Variants in GDPD4 observed in about 807,000 individuals in gnomAD.
The protein encoded by GDPD4 is glycerophosphodiester phosphodiesterase domain containing 4, also known as glycerophosphodiester phosphodiesterase 6.
A neutral mutation model predicts 67.8 loss-of-function variants in GDPD4; 60 were observed. That is an observed-to-expected ratio of 0.88 (90% CI 0.72 to 1.10). The LOEUF is 1.10. GDPD4 is among the 50% of genes least tolerant of loss of function. The probability of loss-of-function intolerance (pLI) is 0.00; values close to 1 mark genes in which losing one functional copy is unlikely to be tolerated. For missense variants in GDPD4, 623 were observed against 613.9 expected, an observed-to-expected ratio of 1.01 and a Z score of -0.16; for synonymous variants, 212 against 210.9, an observed-to-expected ratio of 1.00 and a Z score of -0.04.
chr11:77,281,596 T>A (rs1047742395), intron 3 of GDPD4, among the ~76,000 whole-genome samples: 4 of 152,322 alleles, frequency 2.6e-5, no homozygotes, highest in Middle Eastern at 3.4e-3. Context: ...CCAGTGATAG[T>A]GTAGCATTTG....
At chr11:77,285,217 G>T in intron 2 of GDPD4, 30 bp from the exon 3 acceptor site, 2 of 1,143,976 alleles carry the variant, frequency 1.7e-6, no homozygotes, top group Non-Finnish European at 1.3e-6. Context: ...ATCTAACTTA[G>T]CTCCATTTAT....
intron 1 of GDPD4, among the ~76,000 whole-genome samples, chr11:77,296,630 G>A (rs1226754250): frequency 6.6e-6 from 1 of 151,824 alleles, no homozygotes; most frequent in African/African-American, 2.4e-5. Context: ...CAGATGTATA[G>A]ATCTTGATTG....
chr11:77,262,197 A>T (rs1001630498), intron 10 of GDPD4, among the ~76,000 whole-genome samples: 3 of 152,246 alleles, frequency 2.0e-5, no homozygotes, highest in African/African-American at 7.2e-5. Context: ...CACTTTTGTC[A>T]TGCAGAATCA....
rs142675601 is a variant in GDPD4, at chr11:77,251,503, A to G, written c.865-6001T>C. 3.8e-3 allele frequency among the ~76,000 whole-genome samples: 580 copies of G among 152,250 alleles called. 2 individuals are homozygous for G. Among genetic ancestry groups the G allele is most frequent in the African/African-American group, 0.01 (419 of 41,542 alleles). On this transcript the variant is annotated intron_variant, in intron 11 of 16. Transcript: ENST00000315938. Reference sequence around the variant, plus strand: ...CTGAGTCAAATATTCTTGGCTGGCAATATTTCTTCTTTCAGTACTTTGAAT... The same window carrying G: ...CTGAGTCAAATATTCTTGGCTGGCAGTATTTCTTCTTTCAGTACTTTGAAT...
rs761522308 is a variant in GDPD4, at chr11:77,243,647, T to G, written c.1241+47A>C. 5.3e-6 allele frequency: 8 copies of G among 1,503,424 alleles called. No individual in the cohort carries two copies. In the South Asian group the frequency reaches 9.2e-5, roughly 17 times the overall value. The allele number at this position is 1,503,424 out of a possible 1,614,324, so 93.1% of individuals were successfully genotyped here. ...AAGTTTAATTAGAATGTGTATTTTG[T>G]GTAAGTAAGGCAATATGTGCCAAGA... On this transcript the variant is annotated intron_variant, in intron 13 of 16. Transcript: ENST00000315938.
chr11:77,245,201 T>C (rs140663350), intron 12 of GDPD4, 80 bp downstream of exon 12: 11,811 of 978,792 alleles, frequency 0.012, 97 homozygotes, highest in Middle Eastern at 0.016. Flanking sequence ...ATGTACAAGG[T>C]AGGTCAAGTT....
At chr11:77,255,063 C>G (rs1958978969) in intron 11 of GDPD4, among the ~76,000 whole-genome samples, 1 of 152,112 alleles carries the variant, frequency 6.6e-6, no homozygotes, top group African/African-American at 2.4e-5. Context: ...ATATTTGAAC[C>G]CCAGGTTTCA....
rs1342637068 is a variant in GDPD4, at chr11:77,269,055, C to G, written c.493G>C (p.Val165Leu). 1 of 1,613,692 alleles carries G rather than the reference C, an allele frequency of 6.2e-7. No homozygotes were observed. Among genetic ancestry groups the G allele is most frequent in the Admixed American group, 1.7e-5 (1 of 59,936 alleles). ...AGGATAAGAAGAAAGGGTAATCCAA[C>G]AGGCACTTGTAGACCTGAAAAATTT... ...ITRLRGLQVP[V>L]GLPFLLILLG... is the part of the protein sequence containing the mutation. Residue 165 changes from valine (V) to leucine (L), a missense_variant, in exon 9 of 17, where the codon GTT (valine) becomes CTT (leucine). Transcript: ENST00000315938.
chr11:77,227,020 T>A (rs561759231), intron 16 of GDPD4, among the ~76,000 whole-genome samples: 125 of 152,322 alleles, frequency 8.2e-4, no homozygotes, highest in Non-Finnish European at 1.3e-3. Flanking sequence ...TTTGTGACTG[T>A]TCCAACTTTA....
chr11:77,224,318 C>T (rs1327575835), intron 16 of GDPD4: 1 of 152,258 alleles, frequency 6.6e-6, no homozygotes, highest in Non-Finnish European at 1.5e-5. Flanking sequence ...TCTATTCAGT[C>T]ATCTTGGAAC....
At chr11:77,248,071 A>AG (rs1958813923) in intron 11 of GDPD4, among the ~76,000 whole-genome samples, 1 of 149,746 alleles carries the variant, frequency 6.7e-6, no homozygotes, top group Non-Finnish European at 1.5e-5. Flanking sequence ...AAAAAAAAAA[A>AG]GAAAAGAAAG....
At chr11:77,241,336 A>G (rs1788567875) in intron 13 of GDPD4, among the ~76,000 whole-genome samples, 1 of 152,200 alleles carries the variant, frequency 6.6e-6, no homozygotes, top group Non-Finnish European at 1.5e-5. Context: ...GCAAAGAAAG[A>G]CAAATACCAC....
At chr11:77,249,328 TACAG>T (rs1388149629) in intron 11 of GDPD4, among the ~76,000 whole-genome samples, 2 of 150,806 alleles carry the variant, frequency 1.3e-5, no homozygotes, top group African/African-American at 2.4e-5. Context: ...AGAAATGTAC[TACAG>T]ACAAATTGTT....
intron 10 of GDPD4, among the ~76,000 whole-genome samples, chr11:77,264,351 C>A (rs531424657): frequency 2.4e-4 from 37 of 152,160 alleles, no homozygotes; most frequent in African/African-American, 7.9e-4. Context: ...GTGGGATGAG[C>A]ACTATCAAAT....
chr11:77,280,705 A>T (rs1426254932), intron 3 of GDPD4, among the ~76,000 whole-genome samples: 1 of 152,204 alleles, frequency 6.6e-6, no homozygotes, highest in Non-Finnish European at 1.5e-5. Context: ...ACCAAACTCA[A>T]GTGAAGTTCC....
At chr11:77,248,069 A>G (rs968810937) in intron 11 of GDPD4, among the ~76,000 whole-genome samples, 14 of 151,026 alleles carry the variant, frequency 9.3e-5, no homozygotes, top group African/African-American at 3.4e-4. Context: ...AAAAAAAAAA[A>G]AAGAAAAGAA....
At chr11:77,224,551 G>A (rs1958289431) in intron 16 of GDPD4, among the ~76,000 whole-genome samples, 1 of 152,156 alleles carries the variant, frequency 6.6e-6, no homozygotes, top group Non-Finnish European at 1.5e-5. Context: ...TCACCTCTAG[G>A]AGCTCAGACC....
At chr11:77,228,022 C>G in intron 15 of GDPD4, 106 bp from the exon 16 acceptor site, 1 of 814,582 alleles carries the variant, frequency 1.2e-6, no homozygotes, top group East Asian at 2.4e-5. Flanking sequence ...TTGAAACTTA[C>G]AATCCTATAG....
intron 16 of GDPD4, among the ~76,000 whole-genome samples, chr11:77,221,847 T>C (rs9704757): frequency 0.89 from 135,501 of 151,550 alleles, 60,755 homozygotes; most frequent in Middle Eastern, 0.93. Context: ...AAGTCTCCCA[T>C]TATTATTGTG....
Sources: allele counts gnomAD v4.1 joint callset (sites outside exome capture counted in the v4.1 genomes callset), GRCh38; gene constraint gnomAD v4.1.1; transcripts MANE v1.5; gene names NCBI Gene and HGNC (gene_info 2026-07-23, HGNC 2026-07-21).